CFAP36: variants seen among roughly 807,000 people sequenced by gnomAD.
The protein encoded by CFAP36 is cilia and flagella associated protein 36, also known as cilia- and flagella-associated protein 36.
Under a neutral mutation model 50.5 loss-of-function variants are expected in CFAP36, and 37 were observed. The ratio of observed to expected loss-of-function variants is 0.73; its 90% CI spans 0.56 to 0.96. CFAP36 has a LOEUF of 0.96. CFAP36 is among the 50% of genes least tolerant of loss of function. CFAP36 has a pLI of 0.00. For missense variants in CFAP36, 407 were observed against 396.2 expected, an observed-to-expected ratio of 1.03 and a Z score of -0.23; for synonymous variants, 138 against 128.2, an observed-to-expected ratio of 1.08 and a Z score of -0.52.
chr2:55,525,517 C>G (rs144953734), intron 3 of CFAP36, among the ~76,000 whole-genome samples: 1 of 152,228 alleles, frequency 6.6e-6, no homozygotes, highest in East Asian at 1.9e-4. Flanking sequence ...AATTTCTTAG[C>G]AAGATATGGT....
intron 3 of CFAP36, among the ~76,000 whole-genome samples, chr2:55,525,517 C>T (rs144953734): frequency 3.3e-5 from 5 of 152,110 alleles, no homozygotes; most frequent in African/African-American, 1.2e-4. Context: ...AATTTCTTAG[C>T]AAGATATGGT....
chr2:55,540,885 C>G (rs1410199094), intron 7 of CFAP36, among the ~76,000 whole-genome samples: 1 of 152,012 alleles, frequency 6.6e-6, no homozygotes, highest in Non-Finnish European at 1.5e-5. Flanking sequence ...TGGTGGTGCA[C>G]GCCTGTAGTC....
chr2:55,538,451 C>T (rs754760141), intron 7 of CFAP36, among the ~76,000 whole-genome samples: 4 of 151,642 alleles, frequency 2.6e-5, no homozygotes, highest in Non-Finnish European at 4.4e-5. Flanking sequence ...GGCACCACCA[C>T]GCCCAGCTAA....
rs2103675613 is a variant in CFAP36, at chr2:55,544,957, A to G, written c.978A>G (p.Leu326=). ...EMTAEEKQTL[L]KRRLLAEKLK... is the part of the protein sequence containing the mutation. The stretch of plus-strand genomic sequence containing the variant: ...CAGCAGAGGAGAAGCAAACATTACT[A>G]AAGAGGAGATTGCTTGCAGAGAAAC... Residue 326 remains leucine (L), a synonymous_variant, in exon 10 of 10, where the codon CTA becomes CTG. Coordinates refer to ENST00000349456, the MANE Select transcript of CFAP36 (RefSeq NM_080667.7). The G allele has an allele frequency of 1.2e-6, 2 of 1,607,478 alleles. No homozygotes were observed. Among genetic ancestry groups the G allele is most frequent in the African/African-American group, 1.3e-5 (1 of 74,700 alleles).
At chr2:55,541,876 C>T (rs1393993457) in intron 7 of CFAP36, among the ~76,000 whole-genome samples, 11 of 152,114 alleles carry the variant, frequency 7.2e-5, no homozygotes, top group Admixed American at 7.2e-4. Context: ...GGAAGTTCCT[C>T]TCTATTCCTA....
At chr2:55,526,846 A>T (rs1414460308) in intron 3 of CFAP36, among the ~76,000 whole-genome samples, 1 of 152,006 alleles carries the variant, frequency 6.6e-6, no homozygotes, top group African/African-American at 2.4e-5. Flanking sequence ...ACAATGCAAG[A>T]CCCCATCTCT....
intron 3 of CFAP36, among the ~76,000 whole-genome samples, 192 bp from the exon 4 acceptor site, chr2:55,528,686 G>A (rs1276840074): frequency 6.6e-6 from 1 of 152,142 alleles, no homozygotes; most frequent in Non-Finnish European, 1.5e-5. Context: ...GTGAGCCACC[G>A]TGCCCGGCTG....
chr2:55,536,088 C>G (rs72803518), intron 6 of CFAP36, among the ~76,000 whole-genome samples: 1 of 151,474 alleles, frequency 6.6e-6, no homozygotes, highest in South Asian at 2.1e-4. Flanking sequence ...ACTTTTTATA[C>G]TTTTTTCTCC....
chr2:55,522,192 TAAA>T (rs1349110784), intron 2 of CFAP36, 26 bp downstream of exon 2: 2 of 1,192,862 alleles, frequency 1.7e-6, no homozygotes, highest in Non-Finnish European at 2.4e-6. Flanking sequence ...CACTGATTTT[TAAA>T]AGTAATTAGG....
At chr2:55,537,708 G>T in intron 7 of CFAP36, 123 bp downstream of exon 7, 1 of 638,170 alleles carries the variant, frequency 1.6e-6, no homozygotes, top group East Asian at 3.0e-5. Context: ...GAATGTCTTT[G>T]GTATTTAACG....
At chr2:55,543,855 T>C in intron 7 of CFAP36, 83 bp from the exon 8 acceptor site, 1 of 1,289,468 alleles carries the variant, frequency 7.8e-7, no homozygotes, top group Non-Finnish European at 1.1e-6. Context: ...TTATTAACAT[T>C]AGCTCATTTC....
At chr2:55,537,937 A>G (rs1485269203) in intron 7 of CFAP36, among the ~76,000 whole-genome samples, 1 of 152,250 alleles carries the variant, frequency 6.6e-6, no homozygotes, top group Non-Finnish European at 1.5e-5. Context: ...TTTGTTAGTG[A>G]GAAGCTGAAC....
chr2:55,526,668 C>T (rs887317919), intron 3 of CFAP36, among the ~76,000 whole-genome samples: 1 of 152,090 alleles, frequency 6.6e-6, no homozygotes, highest in Non-Finnish European at 1.5e-5. Flanking sequence ...GTCTTGAGGT[C>T]CTGGCATCAA....
intron 7 of CFAP36, among the ~76,000 whole-genome samples, chr2:55,543,678 T>G (rs529169646): frequency 6.6e-6 from 1 of 152,168 alleles, no homozygotes; most frequent in Non-Finnish European, 1.5e-5. Context: ...GTAGCTATAG[T>G]ACTGTACAAA....
intron 4 of CFAP36, among the ~76,000 whole-genome samples, chr2:55,530,387 G>C (rs1038575265): frequency 1.7e-4 from 26 of 152,156 alleles, no homozygotes; most frequent in African/African-American, 4.8e-4. Context: ...CATGAAAATG[G>C]ACTAACACAA....
intron 7 of CFAP36, among the ~76,000 whole-genome samples, chr2:55,540,419 G>A (rs1423553942): frequency 6.6e-6 from 1 of 152,036 alleles, no homozygotes; most frequent in Non-Finnish European, 1.5e-5. Flanking sequence ...ATATTTATGT[G>A]AGTTTATTTC....
At chr2:55,544,433 A>G in intron 9 of CFAP36, 64 bp downstream of exon 9, 1 of 1,506,884 alleles carries the variant, frequency 6.6e-7, no homozygotes, top group Non-Finnish European at 8.9e-7. Context: ...AAATCAGAAT[A>G]TGTGCAAGAA....
chr2:55,541,952 A>G (rs1394439201), intron 7 of CFAP36, among the ~76,000 whole-genome samples: 1 of 150,494 alleles, frequency 6.6e-6, no homozygotes, highest in East Asian at 1.9e-4. Context: ...ACAGGAGTAT[A>G]TTGAATCAGA....
intron 2 of CFAP36, among the ~76,000 whole-genome samples, chr2:55,522,546 A>G (rs940731991): frequency 1.3e-5 from 2 of 152,134 alleles, no homozygotes; most frequent in Non-Finnish European, 2.9e-5. Context: ...GTGCAGTGGC[A>G]CTATCACAGC....
Sources: gnomAD v4.1 joint callset for allele counts (sites outside exome capture counted in the v4.1 genomes callset) on GRCh38, gnomAD v4.1.1 for gene constraint, MANE v1.5 for transcripts, NCBI Gene and HGNC (gene_info 2026-07-23, HGNC 2026-07-21) for gene names.